Variants in ADAMTSL1 observed in about 807,000 individuals in gnomAD.
The protein encoded by ADAMTSL1 is ADAMTS like 1.
Under a neutral mutation model 201.8 loss-of-function variants are expected in ADAMTSL1, and 126 were observed. That is an observed-to-expected ratio of 0.62 (90% CI 0.54 to 0.72). The LOEUF is 0.72. ADAMTSL1 is among the 30% of genes least tolerant of loss of function. The probability of loss-of-function intolerance (pLI) is 0.00; values close to 1 mark genes in which losing one functional copy is unlikely to be tolerated. For missense variants in ADAMTSL1, 2,679 were observed against 2,277.8 expected, an observed-to-expected ratio of 1.18 and a Z score of -3.59; for synonymous variants, 1,121 against 903.4, an observed-to-expected ratio of 1.24 and a Z score of -4.32.
At chr9:18,400,963 C>A (rs1223934936) in intron 2 of ADAMTSL1, among the ~76,000 whole-genome samples, 1 of 152,112 alleles carries the variant, frequency 6.6e-6, no homozygotes, top group African/African-American at 2.4e-5. Context: ...CAAACTAAAT[C>A]TACCCTAAGT....
chr9:18,173,758 C>T (rs1030397117), intron 2 of ADAMTSL1, among the ~76,000 whole-genome samples: 1 of 152,128 alleles, frequency 6.6e-6, no homozygotes, highest in South Asian at 2.1e-4. Context: ...AAAATGTTAA[C>T]ATTTAGTTAG....
chr9:18,635,820 A>G (rs1195299576), intron 5 of ADAMTSL1, 123 bp from the exon 6 acceptor site: 2 of 764,644 alleles, frequency 2.6e-6, no homozygotes, highest in East Asian at 2.9e-5. Context: ...TGGCCTTCAC[A>G]TTTCAAACAC....
chr9:18,316,094 T>C (rs900512113), intron 2 of ADAMTSL1, among the ~76,000 whole-genome samples: 1 of 152,154 alleles, frequency 6.6e-6, no homozygotes, highest in Non-Finnish European at 1.5e-5. Context: ...AGCAAGTTTT[T>C]ATTAGGGATT....
At chr9:18,870,628 TAA>T (rs1827826428) in intron 23 of ADAMTSL1, among the ~76,000 whole-genome samples, 1 of 152,074 alleles carries the variant, frequency 6.6e-6, no homozygotes, top group Admixed American at 6.5e-5. Context: ...CACAAGCCAA[TAA>T]AGTTATAAGC....
intron 4 of ADAMTSL1, among the ~76,000 whole-genome samples, chr9:18,587,706 G>T: frequency 6.6e-6 from 1 of 151,890 alleles, no homozygotes; most frequent in Non-Finnish European, 1.5e-5. Flanking sequence ...CCACTTTTTA[G>T]CTCCCACATA....
intron 2 of ADAMTSL1, among the ~76,000 whole-genome samples, chr9:18,526,707 T>C (rs972583997): frequency 1.4e-4 from 21 of 152,170 alleles, no homozygotes; most frequent in African/African-American, 5.1e-4. Context: ...AAGCTTAGTT[T>C]GGAGAATTTT....
At chr9:18,873,255 T>C (rs989230672) in intron 23 of ADAMTSL1, among the ~76,000 whole-genome samples, 1 of 152,234 alleles carries the variant, frequency 6.6e-6, no homozygotes, top group African/African-American at 2.4e-5. Context: ...GAGCTTCTGT[T>C]TACTCTGCTG....
At chr9:18,280,734 TCTTTTA>T (rs1378170079) in intron 2 of ADAMTSL1, among the ~76,000 whole-genome samples, 1 of 152,224 alleles carries the variant, frequency 6.6e-6, no homozygotes, top group African/African-American at 2.4e-5. Flanking sequence ...AAGTGACTTG[TCTTTTA>T]ACCTTGTACC....
At chr9:18,073,545 G>A (rs1005235296) in intron 1 of ADAMTSL1, among the ~76,000 whole-genome samples, 5 of 152,176 alleles carry the variant, frequency 3.3e-5, no homozygotes, top group African/African-American at 1.2e-4. Flanking sequence ...GGGGTCCATT[G>A]TGTATGTGCA....
rs376825524 is a variant in ADAMTSL1, at chr9:18,282,658, G to A, written c.207+118677G>A. Among the ~76,000 whole-genome samples the A allele has an allele frequency of 3.3e-5, 5 of 152,218 alleles. No homozygotes were observed. The East Asian group carries it at 9.6e-4, about 29-fold the overall frequency. On this transcript the variant is annotated intron_variant, in intron 2 of 29. Coordinates refer to the ADAMTSL1 transcript ENST00000680146. The stretch of plus-strand genomic sequence containing the variant: ...CACGCCTGTAATCCTAGCACTTTGG[G>A]AGACAGATGCAGGCAGATCACCTGA...
chr9:18,310,399 A>AAAAAAAAAAAAAAAAAAC lies in ADAMTSL1; in HGVS notation c.207+146418_207+146419insAAAAAAAAAAAAAAAAAC, dbSNP rs1440483712. On this transcript the variant is annotated intron_variant, in intron 2 of 29. Coordinates refer to the ADAMTSL1 transcript ENST00000680146. Reference sequence around the variant, plus strand: ...AAAAAAAAAAAAAAAAAAAAAAAAAACTATCTTCAGAGTGAACAGGCAACC... The same window carrying AAAAAAAAAAAAAAAAAAC: ...AAAAAAAAAAAAAAAAAAAAAAAAAAAAAAAAAAAAAAAAAAACCTATCTTCAGAGTGAACAGGCAACC... Among the ~76,000 whole-genome samples the AAAAAAAAAAAAAAAAAAC allele has an allele frequency of 4.3e-4, 55 of 127,412 alleles. 3 individuals carry two copies. Among genetic ancestry groups the AAAAAAAAAAAAAAAAAAC allele is most frequent in the Non-Finnish European group, 7.7e-4 (45 of 58,286 alleles). 83.6% of individuals were successfully genotyped at this position (127,412 alleles called of 152,430 possible).
intron 7 of ADAMTSL1, among the ~76,000 whole-genome samples, chr9:18,643,023 G>C (rs1382549494): frequency 6.6e-6 from 1 of 151,942 alleles, no homozygotes; most frequent in African/African-American, 2.4e-5. Flanking sequence ...TTCTACAATG[G>C]CTGAATCAAT....
chr9:18,208,613 G>A lies in ADAMTSL1; in HGVS notation c.207+44632G>A, dbSNP rs573672191. 2.6e-5 allele frequency among the ~76,000 whole-genome samples: 4 copies of A among 152,254 alleles called. No individual in the cohort carries two copies. In the East Asian group the frequency reaches 5.8e-4, roughly 22 times the overall value. ...CTTATGACAATGCTATCAGTTAGGG[G>A]ATATTATTATCCCCAATTTGAGGAT... On this transcript the variant is annotated intron_variant, in intron 2 of 29. Transcript: ENST00000680146.
chr9:18,567,087 G>C (rs1821951546), intron 3 of ADAMTSL1, among the ~76,000 whole-genome samples: 1 of 152,138 alleles, frequency 6.6e-6, no homozygotes, highest in Non-Finnish European at 1.5e-5. Context: ...AAGCTCTGGA[G>C]GGTGGGGCCC....
intron 2 of ADAMTSL1, among the ~76,000 whole-genome samples, chr9:18,437,286 G>T (rs1309306023): frequency 1.3e-5 from 2 of 152,046 alleles, no homozygotes; most frequent in African/African-American, 2.4e-5. Flanking sequence ...TGTCCAAATA[G>T]TCACCATGGC....
chr9:18,532,347 C>G (rs139166594), intron 2 of ADAMTSL1, among the ~76,000 whole-genome samples: 1 of 152,196 alleles, frequency 6.6e-6, no homozygotes, highest in Non-Finnish European at 1.5e-5. Context: ...TCTAGTAATT[C>G]TCTTTCTAGA....
chr9:18,467,428 A>G (rs992248171), intron 2 of ADAMTSL1, among the ~76,000 whole-genome samples: 5 of 152,226 alleles, frequency 3.3e-5, no homozygotes, highest in African/African-American at 1.2e-4. Flanking sequence ...TAAAACTTCT[A>G]TACAATAAAA....
intron 2 of ADAMTSL1, among the ~76,000 whole-genome samples, chr9:18,233,356 C>T (rs1001457886): frequency 1.3e-5 from 2 of 152,150 alleles, no homozygotes; most frequent in Admixed American, 6.5e-5. Context: ...ATTAACACTT[C>T]GATGAATTTC....
chr9:18,776,742 A>C (rs1549985), intron 18 of ADAMTSL1, 39 bp from the exon 19 acceptor site: 1 of 1,501,590 alleles, frequency 6.7e-7, no homozygotes. Flanking sequence ...CTCTCTCCCC[A>C]CCTCTTTCTC....
Sources: gnomAD v4.1 joint callset for allele counts (sites outside exome capture counted in the v4.1 genomes callset) on GRCh38, gnomAD v4.1.1 for gene constraint, MANE v1.5 for transcripts, NCBI Gene and HGNC (gene_info 2026-07-23, HGNC 2026-07-21) for gene names.